The following ENTREP1 variants were observed in gnomAD, a reference collection of about 807,000 sequenced individuals.
ENTREP1 encodes endosomal transmembrane epsin interactor 1, also known as Friedreich ataxia region gene X123.
the ENTREP1 span, among the ~76,000 whole-genome samples, chr9:69,361,899 C>A: frequency 2.0e-5 from 3 of 152,060 alleles, no homozygotes; most frequent in Non-Finnish European, 4.4e-5. Context: ...CAACTTTCTA[C>A]CTTCTAAAAT....
At chr9:69,372,688 T>C in the ENTREP1 span, among the ~76,000 whole-genome samples, 3 of 152,310 alleles carry the variant, frequency 2.0e-5, no homozygotes, top group Non-Finnish European at 2.9e-5. Context: ...TTTAATTCTT[T>C]TGGATATATA....
the ENTREP1 span, chr9:69,388,426 C>T: frequency 1.9e-6 from 3 of 1,601,778 alleles, no homozygotes; most frequent in Non-Finnish European, 2.6e-6. Context: ...AGGAAGCCAT[C>T]ACAAGTGCCA....
At chr9:69,328,029 CAG>C in the ENTREP1 span, among the ~76,000 whole-genome samples, 2 of 152,158 alleles carry the variant, frequency 1.3e-5, no homozygotes, top group African/African-American at 4.8e-5. Flanking sequence ...ATGCATGTGA[CAG>C]AGGTTGTTTT....
At chr9:69,386,320 C>T in the ENTREP1 span, 40 of 156,048 alleles carry the variant, frequency 2.6e-4, no homozygotes, top group Non-Finnish European at 4.4e-4. Context: ...TTTGTATACT[C>T]CCTCTTTTAT....
chr9:69,371,774 T>A, the ENTREP1 span, among the ~76,000 whole-genome samples: 1 of 152,194 alleles, frequency 6.6e-6, no homozygotes, highest in East Asian at 1.9e-4. Flanking sequence ...GCTGATTATT[T>A]CACCCAAGTT....
At chr9:69,363,376 A>T in the ENTREP1 span, among the ~76,000 whole-genome samples, 1 of 152,234 alleles carries the variant, frequency 6.6e-6, no homozygotes, top group Non-Finnish European at 1.5e-5. Flanking sequence ...CTTAATGAGC[A>T]GGAAAAAAAT....
At chr9:69,339,624 G>A in the ENTREP1 span, among the ~76,000 whole-genome samples, 1 of 152,126 alleles carries the variant, frequency 6.6e-6, no homozygotes, top group African/African-American at 2.4e-5. Context: ...CTTTTTAGTG[G>A]GAGGCCATGC....
chr9:69,388,321 G>A, the ENTREP1 span: 1 of 1,614,186 alleles, frequency 6.2e-7, no homozygotes, highest in Admixed American at 1.7e-5. Flanking sequence ...TGGTGGCGAG[G>A]TTCCTGGAGC....
At chr9:69,362,409 A>G in the ENTREP1 span, among the ~76,000 whole-genome samples, 3 of 152,212 alleles carry the variant, frequency 2.0e-5, no homozygotes, top group African/African-American at 7.2e-5. Context: ...GAGACCTGGA[A>G]TGAACTGGGG....
the ENTREP1 span, among the ~76,000 whole-genome samples, chr9:69,375,302 A>G: frequency 5.9e-5 from 9 of 152,348 alleles, no homozygotes; most frequent in African/African-American, 2.2e-4. Flanking sequence ...TTTCAGGTTA[A>G]GATCTTGAGG....
the ENTREP1 span, among the ~76,000 whole-genome samples, chr9:69,390,565 A>G: frequency 2.6e-5 from 4 of 152,234 alleles, no homozygotes; most frequent in Non-Finnish European, 5.9e-5. Flanking sequence ...ACTTTTTACA[A>G]ATAAATTGGC....
the ENTREP1 span, among the ~76,000 whole-genome samples, chr9:69,357,662 G>T: frequency 1.3e-5 from 2 of 152,166 alleles, no homozygotes; most frequent in African/African-American, 4.8e-5. Context: ...GGCAAACCAA[G>T]TCAGTGCATG....
chr9:69,327,837 G>A, the ENTREP1 span, among the ~76,000 whole-genome samples: 1 of 152,130 alleles, frequency 6.6e-6, no homozygotes, highest in Non-Finnish European at 1.5e-5. Flanking sequence ...ATAACTGTTG[G>A]CTATTCCTAC....
At chr9:69,330,911 C>A in the ENTREP1 span, among the ~76,000 whole-genome samples, 1 of 152,222 alleles carries the variant, frequency 6.6e-6, no homozygotes, top group South Asian at 2.1e-4. Flanking sequence ...TACACGGGAA[C>A]CTGTATCAAT....
the ENTREP1 span, chr9:69,325,285 CGG>C: frequency 8.9e-7 from 1 of 1,129,478 alleles, no homozygotes; most frequent in Non-Finnish European, 1.1e-6. Context: ...CGGCCGCACC[CGG>C]CCGCACCCTT....
the ENTREP1 span, among the ~76,000 whole-genome samples, chr9:69,363,039 C>T: frequency 6.6e-6 from 1 of 152,146 alleles, no homozygotes; most frequent in Non-Finnish European, 1.5e-5. Context: ...GACAAATACA[C>T]GCATGTCGCC....
At chr9:69,329,383 G>A in the ENTREP1 span, 6 of 973,142 alleles carry the variant, frequency 6.2e-6, no homozygotes, top group Non-Finnish European at 7.3e-6. Flanking sequence ...TTTTTCATAT[G>A]TATTTCCTTA....
At chr9:69,378,352 C>A in the ENTREP1 span, among the ~76,000 whole-genome samples, 1 of 152,214 alleles carries the variant, frequency 6.6e-6, no homozygotes, top group African/African-American at 2.4e-5. Context: ...TTTTCCTTTT[C>A]AAATTTCAAA....
the ENTREP1 span, chr9:69,391,600 G>C: frequency 6.2e-6 from 10 of 1,613,814 alleles, no homozygotes; most frequent in Non-Finnish European, 8.5e-6. Context: ...TTTTCCCAAA[G>C]ATAATGGCCC....
Sources: allele counts gnomAD v4.1 joint callset (sites outside exome capture counted in the v4.1 genomes callset), GRCh38; gene constraint gnomAD v4.1.1; transcripts MANE v1.5; gene names NCBI Gene and HGNC (gene_info 2026-07-23, HGNC 2026-07-21).